Variants in CRB1 observed in about 807,000 individuals in gnomAD.
The protein encoded by CRB1 is crumbs cell polarity complex component 1.
In CRB1, 83 loss-of-function variants were observed where a neutral mutation model predicts 120.0. The observed-to-expected ratio is 0.69, with a 90% CI of 0.58 to 0.83. The LOEUF is 0.83. CRB1 is among the 40% of genes least tolerant of loss of function. The probability of loss-of-function intolerance (pLI) is 0.00; values close to 1 mark genes in which losing one functional copy is unlikely to be tolerated. For synonymous variants in CRB1, 625 were observed against 612.5 expected (o/e 1.02, Z -0.30); for missense variants, 1,699 against 1,687.6 (o/e 1.01, Z -0.12).
At chr1:197,397,291 A>G (rs1167264844) in intron 5 of CRB1, among the ~76,000 whole-genome samples, 1 of 152,110 alleles carries the variant, frequency 6.6e-6, no homozygotes, top group African/African-American at 2.4e-5. Context: ...GGAAGGAGAG[A>G]GAGTAGGTTA....
At chr1:197,292,339 A>T (rs953685723) in intron 1 of CRB1, among the ~76,000 whole-genome samples, 1 of 152,122 alleles carries the variant, frequency 6.6e-6, no homozygotes, top group Non-Finnish European at 1.5e-5. Context: ...AAATTCCTAT[A>T]CAGCATCCCA....
Position 197,328,981 on chromosome 1 carries a change from T to A in CRB1, c.630T>A (p.Cys210Ter). Residue 210 changes from cysteine to a stop codon, truncating the protein, a stop_gained, in exon 2 of 12, where the codon TGT becomes TGA. Transcript: ENST00000367400. LOFTEE classifies it high-confidence loss of function. The part of the protein sequence containing the change: ...TCLNEIGRYT[C>*]ICPHNYSGVN... ...TCAATGAAATAGGAAGATATACTTGTATCTGTCCCCACAATTATTCTGGTA... is the reference window on the plus strand; with the variant it reads ...TCAATGAAATAGGAAGATATACTTGAATCTGTCCCCACAATTATTCTGGTA... The A allele has an allele frequency of 6.2e-7, 1 of 1,613,328 alleles. No individual in the cohort carries two copies. The highest frequency in any genetic ancestry group is 1.6e-4 in the Middle Eastern group (1 of 6,062).
At chr1:197,236,299 A>C in the CRB1 span, among the ~76,000 whole-genome samples, 1 of 149,306 alleles carries the variant, frequency 6.7e-6, no homozygotes, top group East Asian at 2.0e-4. Context: ...TCCCAGGTTC[A>C]AGCGATTCTC....
intron 1 of CRB1, among the ~76,000 whole-genome samples, chr1:197,293,843 A>G (rs1209299030): frequency 3.9e-5 from 6 of 152,048 alleles, no homozygotes; most frequent in African/African-American, 1.2e-4. Flanking sequence ...ATGGTGCTGG[A>G]AAAACTGGCT....
chr1:197,281,099 A>C (rs1237462587), intron 1 of CRB1, among the ~76,000 whole-genome samples: 5 of 151,856 alleles, frequency 3.3e-5, no homozygotes, highest in Non-Finnish European at 7.4e-5. Context: ...GTTTTAAGAG[A>C]CACTAATCCA....
intron 11 of CRB1, among the ~76,000 whole-genome samples, chr1:197,445,652 T>A (rs939892623): frequency 3.9e-5 from 6 of 152,200 alleles, no homozygotes; most frequent in Non-Finnish European, 7.4e-5. Context: ...AAATTAAACT[T>A]CTTCTGCAAA....
intron 1 of CRB1, among the ~76,000 whole-genome samples, chr1:197,309,009 C>T (rs1041530331): frequency 1.3e-5 from 2 of 150,318 alleles, no homozygotes; most frequent in African/African-American, 4.9e-5. Context: ...TATAAATATA[C>T]AGTATATATG....
chr1:197,388,005 T>C (rs1355652466), intron 5 of CRB1, among the ~76,000 whole-genome samples: 1 of 150,070 alleles, frequency 6.7e-6, no homozygotes, highest in Admixed American at 6.7e-5. Flanking sequence ...TCTCTCTATA[T>C]ATATATATAT....
At chr1:197,263,756 ACT>A (rs1009057167), upstream of CRB1, among the ~76,000 whole-genome samples, 61 of 151,162 alleles carry the variant, frequency 4.0e-4, no homozygotes, top group African/African-American at 1.4e-3. Flanking sequence ...TTTTTCACCA[ACT>A]CCTTATCTCA....
chr1:197,463,063 G>A (rs1222214995), intron 11 of CRB1, among the ~76,000 whole-genome samples: 1 of 152,130 alleles, frequency 6.6e-6, no homozygotes, highest in Non-Finnish European at 1.5e-5. Flanking sequence ...TGAAACTGGA[G>A]GGGAGCACAT....
chr1:197,276,212 A>G (rs1389732263), intron 1 of CRB1, among the ~76,000 whole-genome samples: 1 of 151,968 alleles, frequency 6.6e-6, no homozygotes, highest in African/African-American at 2.4e-5. Context: ...TGTATCCCAT[A>G]CTGCTGTATC....
intron 11 of CRB1, among the ~76,000 whole-genome samples, chr1:197,466,338 TA>T (rs1296284035): frequency 6.6e-6 from 1 of 152,184 alleles, no homozygotes; most frequent in African/African-American, 2.4e-5. Flanking sequence ...TGTTGAAAAT[TA>T]AAGTACATGT....
At chr1:197,290,724 G>T (rs1161811253) in intron 1 of CRB1, among the ~76,000 whole-genome samples, 1 of 151,628 alleles carries the variant, frequency 6.6e-6, no homozygotes, top group Admixed American at 6.6e-5. Flanking sequence ...CATTATTTCT[G>T]ATTATTTGTA....
intron 1 of CRB1, 49 bp downstream of exon 1, chr1:197,268,531 T>C (rs766827091): frequency 9.1e-5 from 117 of 1,286,652 alleles, no homozygotes; most frequent in Admixed American, 1.2e-4. Context: ...TTCTGGCTTA[T>C]TATATTTCTT....
At chr1:197,444,929 A>ACACC in intron 11 of CRB1, 1 of 151,774 alleles carries the variant, frequency 6.6e-6, no homozygotes, top group African/African-American at 2.4e-5. Flanking sequence ...ACACACACAC[A>ACACC]CACACCACAG....
chr1:197,265,718 AATCTC>A (rs1217159588), upstream of CRB1, among the ~76,000 whole-genome samples: 20 of 152,226 alleles, frequency 1.3e-4, no homozygotes, highest in East Asian at 3.5e-3. Flanking sequence ...ATGTTGCCTT[AATCTC>A]TATATGTCTT....
chr1:197,382,913 T>A (rs1256652064), intron 5 of CRB1, among the ~76,000 whole-genome samples: 1 of 152,156 alleles, frequency 6.6e-6, no homozygotes, highest in African/African-American at 2.4e-5. Flanking sequence ...TCTCCTAACC[T>A]CACTGACCTC....
chr1:197,247,821 A>G, the CRB1 span, among the ~76,000 whole-genome samples: 4 of 152,052 alleles, frequency 2.6e-5, no homozygotes, highest in Admixed American at 1.3e-4. Context: ...GAAACTTTGC[A>G]TGTTAAAGAA....
At chr1:197,462,539 G>T (rs561208147) in intron 11 of CRB1, among the ~76,000 whole-genome samples, 7 of 152,168 alleles carry the variant, frequency 4.6e-5, no homozygotes, top group Admixed American at 4.6e-4. Flanking sequence ...TACTCCCTTT[G>T]GTCCTAAAAA....
Sources: gnomAD v4.1 joint callset for allele counts (sites outside exome capture counted in the v4.1 genomes callset) on GRCh38, gnomAD v4.1.1 for gene constraint, MANE v1.5 for transcripts, NCBI Gene and HGNC (gene_info 2026-07-23, HGNC 2026-07-21) for gene names.